The following SULF2 variants were observed in gnomAD, a reference collection of about 807,000 sequenced individuals.
SULF2 encodes sulfatase 2.
Under a neutral mutation model 107.7 loss-of-function variants are expected in SULF2, and 52 were observed. That is an observed-to-expected ratio of 0.48 (90% CI 0.39 to 0.61). The LOEUF (loss-of-function observed/expected upper bound fraction) is 0.61, where lower values mean the gene tolerates loss of function less well. SULF2 is among the 20% of genes least tolerant of loss of function. The pLI is 0.00. For synonymous variants in SULF2, 460 were observed against 464.3 expected, an observed-to-expected ratio of 0.99 and a Z score of 0.12; for missense variants, 993 against 1,177.3, an observed-to-expected ratio of 0.84 and a Z score of 2.29.
chr20:47,780,320 C>A (rs1319182841), intron 1 of SULF2, among the ~76,000 whole-genome samples: 4 of 151,818 alleles, frequency 2.6e-5, no homozygotes, highest in Non-Finnish European at 5.9e-5. Context: ...CCTGGCCTAC[C>A]CCACTTGACT....
At chr20:47,711,929 C>T (rs751308434) in intron 3 of SULF2, among the ~76,000 whole-genome samples, 3 of 152,114 alleles carry the variant, frequency 2.0e-5, no homozygotes, top group Non-Finnish European at 2.9e-5. Context: ...GGCACACATA[C>T]GCACATGCAT....
intron 3 of SULF2, among the ~76,000 whole-genome samples, chr20:47,711,167 C>A (rs1017201553): frequency 1.3e-5 from 2 of 152,244 alleles, no homozygotes; most frequent in Non-Finnish European, 2.9e-5. Context: ...ATGTCCCCGC[C>A]ATGCCGGGCC....
chr20:47,778,587 G>A (rs1429652380), intron 1 of SULF2, among the ~76,000 whole-genome samples: 2 of 152,212 alleles, frequency 1.3e-5, no homozygotes, highest in African/African-American at 4.8e-5. Flanking sequence ...GCCAACAGCT[G>A]TTCCACCCAG....
intron 2 of SULF2, among the ~76,000 whole-genome samples, chr20:47,747,515 A>G (rs1483559236): frequency 3.3e-5 from 5 of 152,144 alleles, no homozygotes; most frequent in African/African-American, 7.2e-5. Flanking sequence ...GAGGCTCTGC[A>G]ATGATTGGTC....
At chr20:47,661,192 C>T (rs570979776) in intron 18 of SULF2, among the ~76,000 whole-genome samples, 1 of 152,150 alleles carries the variant, frequency 6.6e-6, no homozygotes, top group Non-Finnish European at 1.5e-5. Flanking sequence ...GCTGCACCCC[C>T]TGAGCTGCTT....
intron 3 of SULF2, among the ~76,000 whole-genome samples, chr20:47,735,715 G>A (rs2089712071): frequency 6.6e-6 from 1 of 152,194 alleles, no homozygotes; most frequent in South Asian, 2.1e-4. Context: ...GGTGATTCTG[G>A]CTATGGGATG....
upstream of SULF2, chr20:47,785,786 G>C (rs868113134): frequency 6.7e-6 from 1 of 149,248 alleles, no homozygotes; most frequent in South Asian, 2.1e-4. Flanking sequence ...GGCGCGGGGG[G>C]CCCAGCCGCG....
At chr20:47,747,018 T>TATAC (rs1232551264) in intron 2 of SULF2, among the ~76,000 whole-genome samples, 6 of 75,118 alleles carry the variant, frequency 8.0e-5, no homozygotes, top group Non-Finnish European at 1.2e-4. Flanking sequence ...TATATATATA[T>TATAC]ACACACACAC....
chr20:47,727,271 A>G (rs1456064715), intron 3 of SULF2, among the ~76,000 whole-genome samples: 1 of 152,118 alleles, frequency 6.6e-6, no homozygotes, highest in Non-Finnish European at 1.5e-5. Flanking sequence ...ACTGATTCAG[A>G]GAGGAGCAGG....
intron 3 of SULF2, among the ~76,000 whole-genome samples, chr20:47,707,940 A>G (rs142044816): frequency 1.5e-3 from 221 of 152,288 alleles, no homozygotes; most frequent in African/African-American, 4.8e-3. Context: ...GTAAAATGTT[A>G]ACAGAATCAG....
chr20:47,786,604 C>T (rs2090935283), upstream of SULF2: 3 of 152,048 alleles, frequency 2.0e-5, no homozygotes, highest in South Asian at 6.2e-4. Flanking sequence ...CAGCTGTTGT[C>T]CAGAAATGGC....
chr20:47,727,272 G>A (rs1435193161), intron 3 of SULF2, among the ~76,000 whole-genome samples: 2 of 152,166 alleles, frequency 1.3e-5, no homozygotes, highest in Non-Finnish European at 2.9e-5. Flanking sequence ...CTGATTCAGA[G>A]AGGAGCAGGC....
At chr20:47,695,732 G>A (rs940592730) in intron 4 of SULF2, among the ~76,000 whole-genome samples, 2 of 152,164 alleles carry the variant, frequency 1.3e-5, no homozygotes, top group Non-Finnish European at 2.9e-5. Flanking sequence ...TCCTGCCTCA[G>A]CCTCCCAAGT....
At chr20:47,713,000 C>T (rs1445586926) in intron 3 of SULF2, among the ~76,000 whole-genome samples, 2 of 151,666 alleles carry the variant, frequency 1.3e-5, no homozygotes, top group African/African-American at 4.9e-5. Context: ...AAGATCCTGC[C>T]ACTGCACTCC....
intron 2 of SULF2, 110 bp downstream of exon 2, chr20:47,757,079 A>G (rs1272188310): frequency 2.8e-6 from 3 of 1,059,188 alleles, no homozygotes; most frequent in Non-Finnish European, 4.0e-6. Flanking sequence ...CAATGTACTC[A>G]AAAGTGAGCA....
chr20:47,754,985 C>T (rs2090247307), intron 2 of SULF2, among the ~76,000 whole-genome samples: 1 of 151,394 alleles, frequency 6.6e-6, no homozygotes, highest in African/African-American at 2.4e-5. Context: ...AGGTGTGTGC[C>T]ACCATCCTTG....
chr20:47,665,098 A>G, intron 14 of SULF2, 101 bp downstream of exon 14: 1 of 811,468 alleles, frequency 1.2e-6, no homozygotes. Flanking sequence ...GAAGATAAAG[A>G]TAAAAATAAA....
chr20:47,663,872 TCCTGTTGACA>T (rs2087172377), intron 15 of SULF2, among the ~76,000 whole-genome samples: 1 of 152,174 alleles, frequency 6.6e-6, no homozygotes, highest in Admixed American at 6.5e-5. Context: ...CTACTGGGAC[TCCTGTTGACA>T]CCCCTTTCCC....
rs2087248658 is a variant in SULF2 at position 47,665,897 on chromosome 20, A to G, written c.1862T>C (p.Leu621Pro). ...VQCDLDLYKS[L>P]QAWKDHKLHI... ...CAGCTTGTGGTCTTTCCAGGCCTGCAGGGACTTGTACAGGTCCAGGTCACA... is the reference window on the plus strand; with the variant it reads ...CAGCTTGTGGTCTTTCCAGGCCTGCGGGGACTTGTACAGGTCCAGGTCACA... The change falls in exon 13 of 21, where the codon CTG becomes CCG. Residue 621 changes from leucine (L) to proline (P), a missense_variant. Leu to Pro is a moderately conservative substitution (Grantham distance 98). Around this residue, in one of 3 missense-constraint regions of SULF2, gnomAD observed 497 missense variants for 544.1 expected, o/e 0.91. Transcript: ENST00000688720. The G allele has an allele frequency of 1.9e-6, 3 of 1,613,964 alleles. No individual in the cohort carries two copies.
Sources: allele counts gnomAD v4.1 joint callset (sites outside exome capture counted in the v4.1 genomes callset), GRCh38; gene constraint gnomAD v4.1.1; regional missense constraint gnomAD v4.1.1; transcripts MANE v1.5; gene names NCBI Gene and HGNC (gene_info 2026-07-23, HGNC 2026-07-21).